CHCHD3: variants seen among roughly 807,000 people sequenced by gnomAD.
The protein encoded by CHCHD3 is MICOS complex subunit MIC19.
CHCHD3 carries 20 observed loss-of-function variants against 38.2 expected under a neutral mutation model. The ratio of observed to expected loss-of-function variants is 0.52; its 90% confidence interval spans 0.37 to 0.76. The LOEUF is 0.76. CHCHD3 is among the 30% of genes least tolerant of loss of function. CHCHD3 has a pLI of 0.00. For synonymous variants in CHCHD3, 82 were observed against 100.0 expected (o/e 0.82, Z 1.07); for missense variants, 245 against 279.2 (o/e 0.88, Z 0.87).
intron 4 of CHCHD3, among the ~76,000 whole-genome samples, chr7:132,960,587 T>C (rs1214582728): frequency 6.6e-6 from 1 of 152,208 alleles, no homozygotes; most frequent in Admixed American, 6.5e-5. Context: ...CCACTGTCCA[T>C]ATGCTTAAAA....
At chr7:133,005,212 A>G (rs985501578) in intron 3 of CHCHD3, among the ~76,000 whole-genome samples, 1 of 152,174 alleles carries the variant, frequency 6.6e-6, no homozygotes, top group African/African-American at 2.4e-5. Flanking sequence ...TTTGTTATCA[A>G]ACAAACAAAA....
intron 5 of CHCHD3, among the ~76,000 whole-genome samples, chr7:132,853,750 T>C (rs192032876): frequency 1.3e-3 from 199 of 152,318 alleles, no homozygotes; most frequent in Non-Finnish European, 2.0e-3. Context: ...CAAGACAGTG[T>C]CTCATTGTAA....
At chr7:132,806,161 T>C (rs1262818879) in intron 6 of CHCHD3, among the ~76,000 whole-genome samples, 1 of 152,230 alleles carries the variant, frequency 6.6e-6, no homozygotes, top group Middle Eastern at 3.4e-3. Context: ...ATCACAAGGC[T>C]GGGGAGACCA....
At chr7:133,059,001 T>G (rs1265033615) in intron 2 of CHCHD3, among the ~76,000 whole-genome samples, 4 of 152,156 alleles carry the variant, frequency 2.6e-5, no homozygotes, top group African/African-American at 7.2e-5. Flanking sequence ...TGGACCTTCC[T>G]TCCAACCCCT....
At chr7:132,915,632 T>C (rs1220328420) in intron 4 of CHCHD3, among the ~76,000 whole-genome samples, 2 of 152,304 alleles carry the variant, frequency 1.3e-5, no homozygotes, top group East Asian at 3.9e-4. Context: ...AATAGGTCAA[T>C]TGAGCATTTC....
chr7:132,868,007 C>A (rs10488210), intron 5 of CHCHD3, among the ~76,000 whole-genome samples: 1 of 151,868 alleles, frequency 6.6e-6, no homozygotes, highest in Admixed American at 6.6e-5. Flanking sequence ...CTGTAGCATA[C>A]TCCAATAAAA....
intron 4 of CHCHD3, among the ~76,000 whole-genome samples, chr7:132,914,548 A>T (rs1466233499): frequency 6.6e-6 from 1 of 152,240 alleles, no homozygotes; most frequent in Non-Finnish European, 1.5e-5. Flanking sequence ...GAACTTAAAA[A>T]GTGTGATCTA....
Position 133,058,308 on chromosome 7 carries a change from T to A in CHCHD3, c.169+11834A>T, listed in dbSNP as rs938467254. 6.6e-5 allele frequency among the ~76,000 whole-genome samples: 10 copies of A among 151,578 alleles called. 1 individual carries two copies. The highest frequency in any genetic ancestry group is 4.0e-4 in the Admixed American group (6 of 15,182). On this transcript the variant is annotated intron_variant, in intron 2 of 7. Coordinates refer to ENST00000262570, the MANE Select transcript of CHCHD3 (RefSeq NM_017812.4). ...AGGCTGGAGTGCAGGGATGCAAACA[T>A]AGTACACTTCCAAGCTCGATCTCCT...
At chr7:132,798,484 G>T (rs969498748) in intron 6 of CHCHD3, among the ~76,000 whole-genome samples, 1 of 152,084 alleles carries the variant, frequency 6.6e-6, no homozygotes, top group Non-Finnish European at 1.5e-5. Flanking sequence ...AGCAAGACCT[G>T]CATCTAGATA....
intron 5 of CHCHD3, among the ~76,000 whole-genome samples, chr7:132,874,620 C>T (rs1808851688): frequency 6.6e-6 from 1 of 152,150 alleles, no homozygotes; most frequent in African/African-American, 2.4e-5. Context: ...CTACTGAAAC[C>T]TGCGCCTGGT....
At chr7:132,980,777 T>C (rs1811897126) in intron 3 of CHCHD3, among the ~76,000 whole-genome samples, 1 of 152,202 alleles carries the variant, frequency 6.6e-6, no homozygotes, top group African/African-American at 2.4e-5. Context: ...TAACTACTTA[T>C]AAAACATTCA....
chr7:132,883,531 T>C (rs1421728631), intron 5 of CHCHD3, among the ~76,000 whole-genome samples: 1 of 152,070 alleles, frequency 6.6e-6, no homozygotes, highest in Non-Finnish European at 1.5e-5. Context: ...CTGTTTTTGG[T>C]TTTACATTTT....
At chr7:132,979,997 C>T (rs4731925) in intron 3 of CHCHD3, among the ~76,000 whole-genome samples, 108,597 of 152,082 alleles carry the variant, frequency 0.71, 38,919 homozygotes, top group African/African-American at 0.75. Flanking sequence ...CCCCCAATTA[C>T]TTTCAAAGCT....
chr7:132,831,641 T>G (rs1807654351), intron 6 of CHCHD3, among the ~76,000 whole-genome samples: 1 of 152,156 alleles, frequency 6.6e-6, no homozygotes, highest in Non-Finnish European at 1.5e-5. Context: ...AAGTTTTAAT[T>G]AAAAGTTTAA....
intron 3 of CHCHD3, among the ~76,000 whole-genome samples, chr7:132,994,438 A>C (rs1474224851): frequency 6.6e-6 from 1 of 152,172 alleles, no homozygotes. Context: ...CACCTATTCT[A>C]TGATGTTAGA....
chr7:133,064,800 T>C (rs1400415172), intron 2 of CHCHD3, among the ~76,000 whole-genome samples: 2 of 152,344 alleles, frequency 1.3e-5, no homozygotes, highest in Non-Finnish European at 1.5e-5. Context: ...GTCATTTGTC[T>C]TGTTTTTTTC....
At chr7:133,076,349 T>C (rs1015788603) in intron 1 of CHCHD3, among the ~76,000 whole-genome samples, 4 of 152,176 alleles carry the variant, frequency 2.6e-5, no homozygotes, top group African/African-American at 9.6e-5. Flanking sequence ...TATGCAAAAC[T>C]GTCTGCTTAT....
At chr7:132,803,906 A>G (rs1011817172) in intron 6 of CHCHD3, among the ~76,000 whole-genome samples, 3 of 149,584 alleles carry the variant, frequency 2.0e-5, no homozygotes, top group Admixed American at 6.6e-5. Context: ...ATGACGAGGG[A>G]GAGAAATGGG....
At chr7:132,962,594 ATGCAAGTTGGATGCC>A (rs1208054199) in intron 4 of CHCHD3, among the ~76,000 whole-genome samples, 8 of 152,240 alleles carry the variant, frequency 5.3e-5, no homozygotes. Context: ...GTTTTTAATG[ATGCAAGTTGGATGCC>A]TGCTGCATTT....
Sources: allele counts gnomAD v4.1 joint callset (sites outside exome capture counted in the v4.1 genomes callset), GRCh38; gene constraint gnomAD v4.1.1; transcripts MANE v1.5; gene names NCBI Gene and HGNC (gene_info 2026-07-23, HGNC 2026-07-21).